The following APAF1 variants were observed in gnomAD, a reference collection of about 807,000 sequenced individuals.
The protein encoded by APAF1 is apoptotic peptidase activating factor 1.
In APAF1, 91 loss-of-function variants were observed where a neutral mutation model predicts 152.4. The ratio of observed to expected loss-of-function variants is 0.60; its 90% CI spans 0.50 to 0.71. The LOEUF is 0.71. Ranked by LOEUF, APAF1 falls within the 30% of genes least tolerant of loss-of-function variation. APAF1 has a pLI of 0.00. For synonymous variants in APAF1, 484 were observed against 494.1 expected, an observed-to-expected ratio of 0.98 and a Z score of 0.27; for missense variants, 1,283 against 1,472.0, an observed-to-expected ratio of 0.87 and a Z score of 2.10.
At chr12:98,667,716 T>C in intron 10 of APAF1, 72 bp downstream of exon 10, 2 of 1,460,640 alleles carry the variant, frequency 1.4e-6, no homozygotes, top group Non-Finnish European at 1.9e-6. Context: ...TAAGTGCTTT[T>C]TTTCTGTTAT....
intron 22 of APAF1, 142 bp downstream of exon 22, chr12:98,715,694 C>A (rs1022691774): frequency 2.2e-6 from 2 of 920,346 alleles, no homozygotes; most frequent in Non-Finnish European, 3.4e-6. Context: ...TTAGATGAAA[C>A]CTATGGGTGT....
chr12:98,660,285 G>A (rs1332034811), intron 5 of APAF1, among the ~76,000 whole-genome samples: 2 of 152,098 alleles, frequency 1.3e-5, no homozygotes, highest in Non-Finnish European at 2.9e-5. Context: ...GATTGAGGCT[G>A]CAGTGAACCC....
rs747796064 is a variant in APAF1 at position 98,667,624 on chromosome 12, G to A, written c.1474G>A (p.Ala492Thr). Reference sequence around the variant, plus strand: ...GTACAACTTTCTGGCCTATCACATGGCCAGTGCCAAGATGCACAAGGTAAG... The same window carrying A: ...GTACAACTTTCTGGCCTATCACATGACCAGTGCCAAGATGCACAAGGTAAG... Reference protein sequence around the residue: ...YWYNFLAYHMASAKMHKELCA... With the variant: ...YWYNFLAYHMTSAKMHKELCA... The change falls in exon 10 of 27, where the codon GCC becomes ACC. Residue 492 changes from alanine to threonine, a missense_variant. By Grantham distance (58) the Ala-to-Thr change is moderately conservative (BLOSUM62 0). Coordinates refer to ENST00000551964, the MANE Select transcript of APAF1 (RefSeq NM_181861.2). 1.4e-4 allele frequency: 229 copies of A among 1,613,646 alleles called. No homozygotes were observed. Among genetic ancestry groups the A allele is most frequent in the Non-Finnish European group, 1.7e-4 (206 of 1,180,014 alleles).
chr12:98,661,753 A>T (rs1273138802), intron 5 of APAF1, among the ~76,000 whole-genome samples: 1 of 151,830 alleles, frequency 6.6e-6, no homozygotes, highest in African/African-American at 2.4e-5. Flanking sequence ...ACAGGCCTAG[A>T]GTATTTTTTT....
In APAF1 at chr12:98,706,530, C is replaced by T; in HGVS notation, c.2641C>T (p.His881Tyr). ...TTCAAAGGTGGCTGATTGCAGAGGA[C>T]ATTTAAGTTGGGTTCATGGTGTGAT... ...SRSKVADCRGHLSWVHGVMFS... is the reference protein window; with the variant it reads ...SRSKVADCRGYLSWVHGVMFS... The change falls in exon 19 of 27, where the codon CAT becomes TAT. Residue 881 changes from histidine to tyrosine, a missense_variant. By Grantham distance (83) the His-to-Tyr change is moderately conservative. Transcript: ENST00000551964. 1.9e-6 allele frequency: 3 copies of T among 1,613,940 alleles called. No homozygotes were observed. Among genetic ancestry groups the T allele is most frequent in the Non-Finnish European group, 2.5e-6 (3 of 1,179,862 alleles).
At chr12:98,678,533 C>A (rs2097688907) in intron 13 of APAF1, among the ~76,000 whole-genome samples, 2 of 152,226 alleles carry the variant, frequency 1.3e-5, no homozygotes, top group Non-Finnish European at 2.9e-5. Context: ...GTAGCTGTAG[C>A]CGCCCAAACC....
At chr12:98,696,306 G>C (rs914990844) in intron 16 of APAF1, among the ~76,000 whole-genome samples, 4 of 152,210 alleles carry the variant, frequency 2.6e-5, no homozygotes, top group Non-Finnish European at 4.4e-5. Context: ...CATATGAAAA[G>C]AGAGGATTGA....
rs1370495990 is a variant in APAF1, at chr12:98,733,895, A to G, written c.*1329A>G. The G allele has an allele frequency of 2.0e-5, 3 of 150,194 alleles. No individual in the cohort carries two copies. Among genetic ancestry groups the G allele is most frequent in the Admixed American group, 6.6e-5 (1 of 15,062 alleles). The allele number at this position is 150,194 out of a possible 1,614,324, so 9.3% of individuals were successfully genotyped here. On this transcript the variant is annotated 3_prime_UTR_variant, in exon 27 of 27. Transcript: ENST00000551964. ...ATTCCTGCTCCCTCTTGTTTCTTAC[A>G]TATCAGACTTCTTACTTGAATGAAA... is the stretch of plus-strand genomic sequence containing the variant.
intron 14 of APAF1, among the ~76,000 whole-genome samples, chr12:98,682,655 A>G (rs942822748): frequency 6.6e-6 from 1 of 152,330 alleles, no homozygotes; most frequent in East Asian, 1.9e-4. Context: ...TGTCATGTTC[A>G]TTATCTCATT....
intron 1 of APAF1, 131 bp downstream of exon 1, chr12:98,645,966 T>A (rs2097639647): frequency 2.6e-5 from 4 of 152,294 alleles, no homozygotes; most frequent in Middle Eastern, 3.4e-3. Flanking sequence ...GAAGAGAAAT[T>A]CTGTAATGAG....
At chr12:98,687,361 CAA>C (rs58734555) in intron 16 of APAF1, among the ~76,000 whole-genome samples, 8 of 92,086 alleles carry the variant, frequency 8.7e-5, no homozygotes, top group Admixed American at 1.2e-4. Flanking sequence ...GACTCCGTCT[CAA>C]AAAAAAAAAA....
At chr12:98,702,336 A>G (rs941419864) in intron 17 of APAF1, among the ~76,000 whole-genome samples, 9 of 151,664 alleles carry the variant, frequency 5.9e-5, no homozygotes, top group Admixed American at 2.0e-4. Flanking sequence ...AAGTGCTGGG[A>G]TTACAGGCGT....
intron 4 of APAF1, among the ~76,000 whole-genome samples, chr12:98,652,564 T>C (rs566669375): frequency 3.3e-5 from 5 of 152,146 alleles, no homozygotes; most frequent in Non-Finnish European, 5.9e-5. Flanking sequence ...TTCTTTTTGC[T>C]TTTTAGGAGT....
chr12:98,735,002 C>A lies in APAF1; in HGVS notation c.*2436C>A. 1 of 388,562 alleles carries A rather than the reference C, an allele frequency of 2.6e-6. No homozygotes were observed. Among genetic ancestry groups the A allele is most frequent in the Non-Finnish European group, 4.5e-6 (1 of 220,714 alleles). 24.1% of individuals were successfully genotyped at this position (388,562 alleles called of 1,614,324 possible). A position where few individuals can be genotyped will look rare whatever the true frequency, so the allele number is the denominator to read the frequency against. ...GTGGCACGTGCCTGTAATCCCAGCT[C>A]CTTGGGAGGCTAAGACAGGAGGATT... On this transcript the variant is annotated 3_prime_UTR_variant, in exon 27 of 27. Transcript: ENST00000551964.
At chr12:98,703,342 T>G (rs1323783655) in intron 17 of APAF1, 29 bp from the exon 18 acceptor site, 1 of 1,613,010 alleles carries the variant, frequency 6.2e-7, no homozygotes, top group African/African-American at 1.3e-5. Context: ...GTATTTTACC[T>G]TCATAGGTAT....
chr12:98,724,927 A>C (rs1208768432), intron 24 of APAF1, among the ~76,000 whole-genome samples: 1 of 152,246 alleles, frequency 6.6e-6, no homozygotes, highest in Non-Finnish European at 1.5e-5. Flanking sequence ...GCCAAGAAGT[A>C]GGCTAGTATA....
At chr12:98,683,121 A>G in intron 14 of APAF1, 22 bp from the exon 15 acceptor site, 3 of 1,601,632 alleles carry the variant, frequency 1.9e-6, no homozygotes, top group Non-Finnish European at 2.6e-6. Context: ...ATATTTGTAA[A>G]TTTTTTCTCT....
At position 98,723,052 on chromosome 12, in the gene APAF1, T is replaced by C. The variant is rs370713452; in HGVS notation, c.3085-141T>C. 34 of 820,460 alleles carry C rather than the reference T, an allele frequency of 4.1e-5. 1 individual carries two copies. Among genetic ancestry groups the C allele is most frequent in the East Asian group, 8.1e-5 (3 of 37,130 alleles). The allele number at this position is 820,460 out of a possible 1,614,324, so 50.8% of individuals were successfully genotyped here. On this transcript the variant is annotated intron_variant, in intron 22 of 26. Transcript: ENST00000551964. Reference sequence around the variant, plus strand: ...TGTCTGTAAAATGTGGACACCACAGTCTTCTCTCTTATTCCTCTCTGTTTT... The same window carrying C: ...TGTCTGTAAAATGTGGACACCACAGCCTTCTCTCTTATTCCTCTCTGTTTT...
intron 26 of APAF1, among the ~76,000 whole-genome samples, chr12:98,729,747 T>C (rs914278914): frequency 4.1e-4 from 63 of 152,332 alleles, no homozygotes; most frequent in African/African-American, 1.5e-3. Flanking sequence ...TTGGAAATAT[T>C]TGAATGACTG....
Sources: gnomAD v4.1 joint callset for allele counts (sites outside exome capture counted in the v4.1 genomes callset) on GRCh38, gnomAD v4.1.1 for gene constraint, MANE v1.5 for transcripts, NCBI Gene and HGNC (gene_info 2026-07-23, HGNC 2026-07-21) for gene names.